Variants in STX1B observed in about 807,000 individuals in gnomAD.
STX1B encodes the protein syntaxin-1B.
A neutral mutation model predicts 39.4 loss-of-function variants in STX1B; 7 were observed. The ratio of observed to expected loss-of-function variants is 0.18; its 90% CI spans 0.10 to 0.33. The LOEUF (loss-of-function observed/expected upper bound fraction) is 0.33, where lower values mean the gene tolerates loss of function less well. STX1B is among the 10% of genes least tolerant of loss of function. The pLI, the probability that STX1B is intolerant of heterozygous loss-of-function variation, is 1.00. For missense variants in STX1B, 198 were observed against 383.2 expected (o/e 0.52, Z 4.04); for synonymous variants, 136 against 144.1 (o/e 0.94, Z 0.40).
intron 7 of STX1B, 48 bp from the exon 8 acceptor site, chr16:30,993,532 C>A (rs749340307): frequency 6.2e-7 from 1 of 1,605,252 alleles, no homozygotes; most frequent in Non-Finnish European, 8.5e-7. Context: ...CCGCCATGAG[C>A]GCCTCCACCG....
At chr16:31,000,742 G>A (rs1311661819) in intron 4 of STX1B, among the ~76,000 whole-genome samples, 186 bp downstream of exon 4, 10 of 151,976 alleles carry the variant, frequency 6.6e-5, no homozygotes, top group African/African-American at 9.7e-5. Flanking sequence ...CACCCGCCTC[G>A]GCCTCCCAAA....
chr16:30,997,808 C>T (rs1249632351), intron 4 of STX1B, among the ~76,000 whole-genome samples: 3 of 152,190 alleles, frequency 2.0e-5, no homozygotes, highest in African/African-American at 7.2e-5. Context: ...TACTGAGGGT[C>T]AGAGGGTCAC....
rs2056601227 is a variant in STX1B, at chr16:30,997,446, T to G, written c.354+56A>C. On this transcript the variant is annotated intron_variant, in intron 5 of 9. Coordinates refer to ENST00000215095, the MANE Select transcript of STX1B (RefSeq NM_052874.5). ...GGCCCTGGCCCGCCGGCCTCCAGCCTGGGCTCCTCCCGAGCTGGGTCCCGA... is the reference window on the plus strand; with the variant it reads ...GGCCCTGGCCCGCCGGCCTCCAGCCGGGGCTCCTCCCGAGCTGGGTCCCGA... 6 of 1,418,366 alleles carry G rather than the reference T, an allele frequency of 4.2e-6. No homozygotes were observed. The South Asian group carries it at 7.3e-5, about 17-fold the overall frequency. The allele number at this position is 1,418,366 out of a possible 1,614,324, so 87.9% of individuals were successfully genotyped here. A position where few individuals can be genotyped will look rare whatever the true frequency, so the allele number is the denominator to read the frequency against.
rs2056562271 is a variant in STX1B, at chr16:30,992,061, A to T, written c.*760T>A. ...ACAGTGTGGAGGGCTCTATCTGAGAAGACCTATCAATACTTCAGGCACATC... is the reference window on the plus strand; with the variant it reads ...ACAGTGTGGAGGGCTCTATCTGAGATGACCTATCAATACTTCAGGCACATC... On this transcript the variant is annotated 3_prime_UTR_variant, in exon 10 of 10. Transcript: ENST00000215095. The T allele has an allele frequency of 6.6e-6, 1 of 151,126 alleles. No homozygotes were observed. The highest frequency in any genetic ancestry group is 6.7e-5 in the Admixed American group (1 of 14,984). 9.4% of individuals were successfully genotyped at this position (151,126 alleles called of 1,614,324 possible).
chr16:30,992,756 G>A lies in STX1B; in HGVS notation c.*65C>T, dbSNP rs1284482090. 2.0e-6 allele frequency: 2 copies of A among 994,208 alleles called. No individual in the cohort carries two copies. Among genetic ancestry groups the A allele is most frequent in the Non-Finnish European group, 1.6e-6 (1 of 634,450 alleles). The allele number at this position is 994,208 out of a possible 1,614,324, so 61.6% of individuals were successfully genotyped here. On this transcript the variant is annotated 3_prime_UTR_variant, in exon 10 of 10. Transcript: ENST00000215095. ...TGGAGCAGGGGATGGAGTGAAAGGG[G>A]TGGTGGGGGTATTGCTCCCGATGTG...
chr16:30,998,082 T>C (rs564278497), intron 4 of STX1B, among the ~76,000 whole-genome samples: 1 of 152,284 alleles, frequency 6.6e-6, no homozygotes, highest in South Asian at 2.1e-4. Context: ...GGCAAACACA[T>C]GGATATTCCA....
At position 30,992,317 on chromosome 16, in the gene STX1B, C is replaced by G. The variant is rs2056563773; in HGVS notation, c.*504G>C. 6.5e-6 allele frequency: 1 copy of G among 153,336 alleles called. No homozygotes were observed. Among genetic ancestry groups the G allele is most frequent in the Admixed American group, 6.5e-5 (1 of 15,342 alleles). 9.5% of individuals were successfully genotyped at this position (153,336 alleles called of 1,614,324 possible). A position where few individuals can be genotyped will look rare whatever the true frequency, so the allele number is the denominator to read the frequency against. On this transcript the variant is annotated 3_prime_UTR_variant, in exon 10 of 10. Transcript: ENST00000215095. Reference sequence around the variant, plus strand: ...GTTGCTGTTGCATTAGGTTCAAACACTGAAACACAAAATTCCACGTACACA... The same window carrying G: ...GTTGCTGTTGCATTAGGTTCAAACAGTGAAACACAAAATTCCACGTACACA...
At chr16:31,004,519 C>T (rs1297618508) in intron 1 of STX1B, among the ~76,000 whole-genome samples, 1 of 151,940 alleles carries the variant, frequency 6.6e-6, no homozygotes, top group African/African-American at 2.4e-5. Flanking sequence ...ACAAAAAATA[C>T]AAAAATTAGC....
intron 7 of STX1B, chr16:30,996,441 T>A (rs1567377866): frequency 2.1e-6 from 1 of 482,746 alleles, no homozygotes; most frequent in African/African-American, 2.0e-5. Flanking sequence ...GTGTGAGTAT[T>A]AAATGAGTTG....
intron 7 of STX1B, 166 bp downstream of exon 7, chr16:30,996,517 G>C: frequency 1.6e-6 from 1 of 637,656 alleles, no homozygotes; most frequent in Non-Finnish European, 2.8e-6. Flanking sequence ...TCCGTCATCT[G>C]ATGGGGGTGC....
At chr16:30,995,735 C>T (rs1567377648) in intron 7 of STX1B, among the ~76,000 whole-genome samples, 1 of 151,854 alleles carries the variant, frequency 6.6e-6, no homozygotes, top group Non-Finnish European at 1.5e-5. Flanking sequence ...AGGTGATCTA[C>T]CTGCCTTGGC....
intron 9 of STX1B, 40 bp downstream of exon 9, chr16:30,993,090 G>A: frequency 6.3e-7 from 1 of 1,592,362 alleles, no homozygotes; most frequent in South Asian, 1.1e-5. Flanking sequence ...GCTCAGCCTT[G>A]GGCTCCCCCG....
chr16:31,010,475 C>A lies in STX1B; in HGVS notation c.-79G>T. ...GGGTCTCCCGCCTCTGTGCCGGAGG[C>A]CGGGGTCTGGGGGCGCCGGGGGGCG... is the stretch of plus-strand genomic sequence containing the variant. On this transcript the variant is annotated 5_prime_UTR_variant, in exon 1 of 10. Transcript: ENST00000215095. The A allele has an allele frequency of 8.2e-7, 1 of 1,212,804 alleles. No homozygotes were observed. The highest frequency in any genetic ancestry group is 2.2e-4 in the Middle Eastern group (1 of 4,574). 75.1% of individuals were successfully genotyped at this position (1,212,804 alleles called of 1,614,324 possible). A position where few individuals can be genotyped will look rare whatever the true frequency, so the allele number is the denominator to read the frequency against.
chr16:31,008,133 G>T (rs1311406981), intron 1 of STX1B, among the ~76,000 whole-genome samples: 1 of 151,680 alleles, frequency 6.6e-6, no homozygotes, highest in East Asian at 1.9e-4. Context: ...CCGTTTCCAG[G>T]TCCCCCACAC....
At chr16:30,994,421 C>CAAA (rs543652303) in intron 7 of STX1B, among the ~76,000 whole-genome samples, 32,805 of 110,714 alleles carry the variant, frequency 0.3, 5,746 homozygotes, top group South Asian at 0.68. Context: ...TTGTTTCTAT[C>CAAA]AAAAAAAAAA....
At chr16:30,997,334 G>A (rs1033770601) in intron 5 of STX1B, among the ~76,000 whole-genome samples, 168 bp downstream of exon 5, 3 of 138,200 alleles carry the variant, frequency 2.2e-5, no homozygotes, top group Admixed American at 2.1e-4. Context: ...CGCCCTCCCC[G>A]AGAGCCCCGC....
At chr16:31,000,343 T>G (rs1178036391) in intron 4 of STX1B, among the ~76,000 whole-genome samples, 14 of 151,036 alleles carry the variant, frequency 9.3e-5, no homozygotes, top group South Asian at 6.3e-4. Flanking sequence ...TTTTTTTTTT[T>G]TTTGTTTGAG....
At chr16:30,996,437 G>A in intron 7 of STX1B, 1 of 476,150 alleles carries the variant, frequency 2.1e-6, no homozygotes, top group Non-Finnish European at 3.8e-6. Flanking sequence ...GGATGTGTGA[G>A]TATTAAATGA....
intron 1 of STX1B, among the ~76,000 whole-genome samples, chr16:31,007,573 G>T (rs899461606): frequency 6.6e-6 from 1 of 152,134 alleles, no homozygotes; most frequent in Non-Finnish European, 1.5e-5. Flanking sequence ...ACCAACCAAG[G>T]TTGCCTGGTA....
Sources: allele counts gnomAD v4.1 joint callset (sites outside exome capture counted in the v4.1 genomes callset), GRCh38; gene constraint gnomAD v4.1.1; transcripts MANE v1.5; gene names NCBI Gene and HGNC (gene_info 2026-07-23, HGNC 2026-07-21).